The following UBAC2 variants were observed in gnomAD, a reference collection of about 807,000 sequenced individuals.
UBAC2 encodes the protein UBA domain containing 2.
In UBAC2, 26 loss-of-function variants were observed where a neutral mutation model predicts 44.0. The observed-to-expected ratio is 0.59, with a 90% CI of 0.43 to 0.82. The LOEUF is 0.82. Ranked by LOEUF, UBAC2 falls within the 40% of genes least tolerant of loss-of-function variation. The pLI, the probability that UBAC2 is intolerant of heterozygous loss-of-function variation, is 0.00. For missense variants in UBAC2, 329 were observed against 419.4 expected (o/e 0.78, Z 1.88); for synonymous variants, 155 against 154.3 (o/e 1.00, Z -0.04).
At chr13:99,299,543 A>T (rs796476748) in intron 4 of UBAC2, among the ~76,000 whole-genome samples, 6 of 152,276 alleles carry the variant, frequency 3.9e-5, no homozygotes, top group African/African-American at 1.4e-4. Flanking sequence ...CATATATTCT[A>T]GATTTTTAAT....
intron 7 of UBAC2, among the ~76,000 whole-genome samples, chr13:99,346,424 T>G (rs1337955749): frequency 6.6e-6 from 1 of 152,194 alleles, no homozygotes; most frequent in Non-Finnish European, 1.5e-5. Context: ...TTCAGGGTGG[T>G]TCCAACACAA....
At chr13:99,224,437 G>A (rs1253617062) in intron 1 of UBAC2, among the ~76,000 whole-genome samples, 2 of 152,066 alleles carry the variant, frequency 1.3e-5, no homozygotes, top group African/African-American at 4.8e-5. Context: ...TTGTATTATC[G>A]ATTACTGTGA....
intron 4 of UBAC2, among the ~76,000 whole-genome samples, chr13:99,269,444 A>G (rs1263123509): frequency 6.6e-6 from 1 of 152,180 alleles, no homozygotes; most frequent in Non-Finnish European, 1.5e-5. Context: ...TATTTCTCAA[A>G]TTCTGTAATA....
intron 1 of UBAC2, among the ~76,000 whole-genome samples, chr13:99,226,389 T>C (rs1376806409): frequency 1.3e-5 from 2 of 152,110 alleles, no homozygotes; most frequent in African/African-American, 4.8e-5. Context: ...TCACAACATA[T>C]CCCAGTTTCA....
At chr13:99,337,653 C>G (rs977963135) in intron 6 of UBAC2, among the ~76,000 whole-genome samples, 3 of 152,202 alleles carry the variant, frequency 2.0e-5, no homozygotes, top group African/African-American at 7.2e-5. Context: ...CATATTCCCT[C>G]TGTTGTCTTC....
At chr13:99,215,477 C>G in intron 1 of UBAC2, 1 of 1,415,020 alleles carries the variant, frequency 7.1e-7, no homozygotes, top group Admixed American at 1.7e-5. Flanking sequence ...AATTCTTCAT[C>G]TGCACGAATA....
chr13:99,350,002 C>T lies in UBAC2; in HGVS notation c.807+9437C>T, dbSNP rs560586400. Reference sequence around the variant, plus strand: ...CCGCTTGACCAAGGAGCCCTCATGCCGGCGTGACAGAGGGCTCACCTCTTG... The same window carrying T: ...CCGCTTGACCAAGGAGCCCTCATGCTGGCGTGACAGAGGGCTCACCTCTTG... On this transcript the variant is annotated intron_variant, in intron 7 of 8. Coordinates refer to ENST00000403766, the MANE Select transcript of UBAC2 (RefSeq NM_001144072.2). Among the ~76,000 whole-genome samples the T allele has an allele frequency of 1.4e-4, 21 of 148,202 alleles. No homozygotes were observed. The East Asian group carries it at 1.7e-3, about 12-fold the overall frequency.
chr13:99,312,100 C>T (rs2044419274), intron 4 of UBAC2, among the ~76,000 whole-genome samples: 1 of 152,218 alleles, frequency 6.6e-6, no homozygotes, highest in African/African-American at 2.4e-5. Flanking sequence ...TGCCATTTAT[C>T]ACATTTGTTT....
intron 7 of UBAC2, among the ~76,000 whole-genome samples, chr13:99,345,420 G>A (rs1309669018): frequency 2.6e-5 from 4 of 152,202 alleles, no homozygotes; most frequent in East Asian, 1.9e-4. Flanking sequence ...TCTAAAGCCC[G>A]GCTCTCAGAG....
chr13:99,361,920 C>T (rs150991889), intron 7 of UBAC2, among the ~76,000 whole-genome samples: 1 of 152,214 alleles, frequency 6.6e-6, no homozygotes, highest in African/African-American at 2.4e-5. Context: ...TGCTTGGGTC[C>T]GGGAGTTCAG....
At chr13:99,330,877 T>G (rs1284635711) in intron 6 of UBAC2, among the ~76,000 whole-genome samples, 1 of 152,222 alleles carries the variant, frequency 6.6e-6, no homozygotes, top group East Asian at 1.9e-4. Flanking sequence ...GCCCATATTT[T>G]TATTAATTTT....
intron 4 of UBAC2, chr13:99,255,748 G>A (rs2043542324): frequency 5.6e-6 from 9 of 1,613,854 alleles, no homozygotes; most frequent in South Asian, 4.4e-5. Context: ...CCATAATGCA[G>A]TGATGTTAAC....
chr13:99,256,458 C>G (rs188543330), intron 4 of UBAC2: 2 of 152,126 alleles, frequency 1.3e-5, no homozygotes, highest in African/African-American at 4.8e-5. Flanking sequence ...GTACGTAAAG[C>G]CAAGTCTTCC....
chr13:99,374,648 C>G (rs2045456432), intron 8 of UBAC2, among the ~76,000 whole-genome samples: 1 of 152,210 alleles, frequency 6.6e-6, no homozygotes. Context: ...CCAGAAAACC[C>G]ACCGAAACTC....
chr13:99,241,726 C>CT (rs34012077), intron 2 of UBAC2, among the ~76,000 whole-genome samples: 80,602 of 140,420 alleles, frequency 0.57, 23,408 homozygotes, highest in Middle Eastern at 0.7. Context: ...AAAATTTTAA[C>CT]TTTTTTTTTT....
chr13:99,277,003 C>T (rs2043892327), intron 4 of UBAC2, among the ~76,000 whole-genome samples: 1 of 152,122 alleles, frequency 6.6e-6, no homozygotes, highest in Non-Finnish European at 1.5e-5. Flanking sequence ...AATCAGGTTG[C>T]CTCTCAGATT....
At position 99,265,807 on chromosome 13, in the gene UBAC2, G is replaced by C. The variant is rs190988080; in HGVS notation, c.389+21183G>C. Among the ~76,000 whole-genome samples the C allele has an allele frequency of 9.2e-5, 14 of 152,272 alleles. No homozygotes were observed. The East Asian group carries it at 2.7e-3, about 29-fold the overall frequency. Reference sequence around the variant, plus strand: ...TCTAGGTAGATACAATTACAAAGACGTACCAAATAAAATAATGAGACAAAA... The same window carrying C: ...TCTAGGTAGATACAATTACAAAGACCTACCAAATAAAATAATGAGACAAAA... On this transcript the variant is annotated intron_variant, in intron 4 of 8. Coordinates refer to ENST00000403766, the MANE Select transcript of UBAC2 (RefSeq NM_001144072.2).
At chr13:99,313,852 G>C (rs1024557541) in intron 4 of UBAC2, among the ~76,000 whole-genome samples, 1 of 152,222 alleles carries the variant, frequency 6.6e-6, no homozygotes, top group Non-Finnish European at 1.5e-5. Flanking sequence ...CTTAGTAGGT[G>C]CTGAACCACT....
chr13:99,259,300 T>G (rs1423964408), intron 4 of UBAC2, among the ~76,000 whole-genome samples: 2 of 152,098 alleles, frequency 1.3e-5, no homozygotes, highest in African/African-American at 4.8e-5. Context: ...TTCATGAACT[T>G]AAATGTATTT....
Sources: allele counts gnomAD v4.1 joint callset (sites outside exome capture counted in the v4.1 genomes callset), GRCh38; gene constraint gnomAD v4.1.1; transcripts MANE v1.5; gene names NCBI Gene and HGNC (gene_info 2026-07-23, HGNC 2026-07-21).